Variants in ARPC5L observed in about 807,000 individuals in gnomAD.
The protein encoded by ARPC5L is actin-related protein 2/3 complex subunit 5-like protein.
ARPC5L carries 4 observed loss-of-function variants against 16.9 expected under a neutral mutation model. The observed-to-expected ratio is 0.24, with a 90% CI of 0.12 to 0.54. ARPC5L has a LOEUF of 0.54. Ranked by LOEUF, ARPC5L falls within the 20% of genes least tolerant of loss-of-function variation. ARPC5L has a pLI of 0.95. For missense variants in ARPC5L, 151 were observed against 201.9 expected (o/e 0.75, Z 1.53); for synonymous variants, 78 against 82.6 (o/e 0.94, Z 0.30).
Position 124,869,182 on chromosome 9 carries a change from G to C in ARPC5L, c.-109G>C. The C allele has an allele frequency of 1.6e-6, 2 of 1,254,266 alleles. No homozygotes were observed. 77.7% of individuals were successfully genotyped at this position (1,254,266 alleles called of 1,614,324 possible). ...GCGGAGGCGGTGGAGGAGGTGCTGGGAGCAGCCGGGCAGCCGCTTCCCGCC... is the reference window on the plus strand; with the variant it reads ...GCGGAGGCGGTGGAGGAGGTGCTGGCAGCAGCCGGGCAGCCGCTTCCCGCC... On this transcript the variant is annotated 5_prime_UTR_variant, in exon 3 of 6. Transcript: ENST00000353214.
Position 124,877,257 on chromosome 9 carries a change from A to T in ARPC5L, c.*317A>T, listed in dbSNP as rs576135544. Reference sequence around the variant, plus strand: ...GGAGGGATGGTTTGGGCAGGTGCAGATCCAAGGGCTGTGGTAAACGGGAGA... The same window carrying T: ...GGAGGGATGGTTTGGGCAGGTGCAGTTCCAAGGGCTGTGGTAAACGGGAGA... On this transcript the variant is annotated 3_prime_UTR_variant, in exon 6 of 6. Coordinates refer to ENST00000353214, the MANE Select transcript of ARPC5L (RefSeq NM_030978.3). 27 of 288,586 alleles carry T rather than the reference A, an allele frequency of 9.4e-5. No homozygotes were observed. The highest frequency in any genetic ancestry group is 5.6e-4 in the African/African-American group (25 of 44,782). 17.9% of individuals were successfully genotyped at this position (288,586 alleles called of 1,614,324 possible). A position where few individuals can be genotyped will look rare whatever the true frequency, so the allele number is the denominator to read the frequency against.
chr9:124,865,315 TAAAAAA>T (rs11414499), intron 2 of ARPC5L, among the ~76,000 whole-genome samples: 3 of 107,062 alleles, frequency 2.8e-5, no homozygotes, highest in Non-Finnish European at 5.3e-5. Flanking sequence ...AAACTCTGTC[TAAAAAA>T]AAAAAAAAAA....
intron 4 of ARPC5L, among the ~76,000 whole-genome samples, chr9:124,874,181 T>G (rs982843589): frequency 1.3e-5 from 2 of 152,154 alleles, no homozygotes; most frequent in African/African-American, 4.8e-5. Flanking sequence ...AAGTCTAAAA[T>G]TTGGTTCAGA....
In ARPC5L at chr9:124,876,923, G is replaced by A; in HGVS notation, c.445G>A (p.Ala149Thr). 2 of 1,612,930 alleles carry A rather than the reference G, an allele frequency of 1.2e-6. No individual in the cohort carries two copies. The highest frequency in any genetic ancestry group is 1.7e-4 in the Middle Eastern group (1 of 6,058). ...AGGCTCCATTATAAGAGTTCTTACA[G>A]CAAGAAAGACTGTTTAAAAAAAATA... ...GLGSIIRVLT[A>T]RKTV Residue 149 changes from alanine to threonine, a missense_variant, in exon 6 of 6, where the codon GCA becomes ACA. Ala to Thr is a moderately conservative substitution (Grantham distance 58). Coordinates refer to ENST00000353214, the MANE Select transcript of ARPC5L (RefSeq NM_030978.3).
intron 3 of ARPC5L, chr9:124,873,162 T>C (rs150918264): frequency 6.5e-6 from 1 of 153,182 alleles, no homozygotes; most frequent in African/African-American, 2.4e-5. Context: ...GTTAGATTGA[T>C]AAACTCTTTC....
chr9:124,870,103 C>T (rs1829334558), intron 3 of ARPC5L, among the ~76,000 whole-genome samples: 1 of 152,194 alleles, frequency 6.6e-6, no homozygotes. Flanking sequence ...TGGTCTCAGC[C>T]ACGCTCAACA....
chr9:124,872,607 A>G (rs113844156), intron 3 of ARPC5L: 261 of 151,432 alleles, frequency 1.7e-3, no homozygotes, highest in Non-Finnish European at 2.7e-3. Flanking sequence ...AAAAAAAAAA[A>G]GGAGTTACAA....
At chr9:124,863,086 C>A (rs1428296649) in intron 1 of ARPC5L, among the ~76,000 whole-genome samples, 1 of 152,090 alleles carries the variant, frequency 6.6e-6, no homozygotes, top group Admixed American at 6.5e-5. Flanking sequence ...TCCTCGGCCT[C>A]CCAGAGTGCC....
At chr9:124,876,826 C>T (rs1829447443) in intron 5 of ARPC5L, 52 bp from the exon 6 acceptor site, 3 of 1,512,294 alleles carry the variant, frequency 2.0e-6, no homozygotes, top group Non-Finnish European at 2.7e-6. Flanking sequence ...AGCCAGGCTC[C>T]CCTTGGCCAG....
At chr9:124,862,551 C>T (rs1829217853) in intron 1 of ARPC5L, among the ~76,000 whole-genome samples, 153 bp downstream of exon 1, 1 of 148,882 alleles carries the variant, frequency 6.7e-6, no homozygotes, top group Non-Finnish European at 1.5e-5. Context: ...ATTCTGTCGC[C>T]CAGGGTGCCA....
Position 124,877,156 on chromosome 9 carries a change from G to C in ARPC5L, c.*216G>C, listed in dbSNP as rs1321143614. 1.8e-6 allele frequency: 1 copy of C among 544,052 alleles called. No homozygotes were observed. Among genetic ancestry groups the C allele is most frequent in the Non-Finnish European group, 3.2e-6 (1 of 309,062 alleles). The allele number at this position is 544,052 out of a possible 1,614,324, so 33.7% of individuals were successfully genotyped here. On this transcript the variant is annotated 3_prime_UTR_variant, in exon 6 of 6. Transcript: ENST00000353214. Reference sequence around the variant, plus strand: ...TGATAGTCTATGCCTTTGTCTCCGAGTACTGCAGAACTGACATTTTGACGG... The same window carrying C: ...TGATAGTCTATGCCTTTGTCTCCGACTACTGCAGAACTGACATTTTGACGG...
At chr9:124,868,321 C>T (rs1265970115) in intron 2 of ARPC5L, 107 bp from the exon 3 acceptor site, 1 of 152,196 alleles carries the variant, frequency 6.6e-6, no homozygotes, top group African/African-American at 2.4e-5. Context: ...TTTACTTACC[C>T]TAAGGCTAAG....
chr9:124,872,553 C>A (rs1224434055), intron 3 of ARPC5L: 1 of 152,042 alleles, frequency 6.6e-6, no homozygotes, highest in African/African-American at 2.4e-5. Context: ...GGCAATATTG[C>A]GCCACTGCAC....
In ARPC5L at chr9:124,862,174, G is replaced by A. The variant is rs1588038490; in HGVS notation, c.-1208G>A. 2 of 435,974 alleles carry A rather than the reference G, an allele frequency of 4.6e-6. No individual in the cohort carries two copies. The highest frequency in any genetic ancestry group is 7.1e-5 in the East Asian group (2 of 28,108). 27.0% of individuals were successfully genotyped at this position (435,974 alleles called of 1,614,324 possible). A position where few individuals can be genotyped will look rare whatever the true frequency, so the allele number is the denominator to read the frequency against. On this transcript the variant is annotated 5_prime_UTR_variant, in exon 1 of 6. Coordinates refer to ENST00000353214, the MANE Select transcript of ARPC5L (RefSeq NM_030978.3). The stretch of plus-strand genomic sequence containing the variant: ...GCGAGGTCGGCGTCACGGTGTAGGC[G>A]CGCAGTTGGGGAAACCGAGGCCCAA...
intron 2 of ARPC5L, among the ~76,000 whole-genome samples, chr9:124,866,757 C>T (rs577125303): frequency 2.4e-4 from 36 of 152,246 alleles, no homozygotes; most frequent in African/African-American, 8.4e-4. Flanking sequence ...TTGTTCCCAC[C>T]ATCCTCATTG....
intron 5 of ARPC5L, among the ~76,000 whole-genome samples, chr9:124,876,251 C>T (rs866577898): frequency 4.6e-5 from 7 of 152,120 alleles, no homozygotes; most frequent in Admixed American, 6.5e-5. Flanking sequence ...TTTTGGGAGA[C>T]GGAGGCAGGC....
chr9:124,877,505 T>C lies in ARPC5L; in HGVS notation c.*565T>C, dbSNP rs1374513154. The stretch of plus-strand genomic sequence containing the variant: ...TTCAGTTGTTGTTCCGGAAACCCGA[T>C]GTGGAAGGAGTAGACCTGTGTCCCT... On this transcript the variant is annotated 3_prime_UTR_variant, in exon 6 of 6. Coordinates refer to ENST00000353214, the MANE Select transcript of ARPC5L (RefSeq NM_030978.3). 2 of 153,070 alleles carry C rather than the reference T, an allele frequency of 1.3e-5. No homozygotes were observed. Among genetic ancestry groups the C allele is most frequent in the East Asian group, 3.8e-4 (2 of 5,222 alleles). The allele number at this position is 153,070 out of a possible 1,614,324, so 9.5% of individuals were successfully genotyped here. A position where few individuals can be genotyped will look rare whatever the true frequency, so the allele number is the denominator to read the frequency against.
Position 124,877,015 on chromosome 9 carries a change from G to C in ARPC5L, c.*75G>C. 8.4e-7 allele frequency: 1 copy of C among 1,192,504 alleles called. No homozygotes were observed. Among genetic ancestry groups the C allele is most frequent in the Non-Finnish European group, 1.2e-6 (1 of 834,668 alleles). 73.9% of individuals were successfully genotyped at this position (1,192,504 alleles called of 1,614,324 possible). On this transcript the variant is annotated 3_prime_UTR_variant, in exon 6 of 6. Transcript: ENST00000353214. Reference sequence around the variant, plus strand: ...GCTGGTGAAGAAGGGATTGACAATGGACCATCTTCCTAGGAACTCCCAAGT... The same window carrying C: ...GCTGGTGAAGAAGGGATTGACAATGCACCATCTTCCTAGGAACTCCCAAGT...
intron 3 of ARPC5L, among the ~76,000 whole-genome samples, chr9:124,872,296 T>G (rs1829371408): frequency 6.6e-6 from 1 of 151,988 alleles, no homozygotes. Flanking sequence ...GACACCACAT[T>G]AGAAAAGAGT....
Sources: gnomAD v4.1 joint callset for allele counts (sites outside exome capture counted in the v4.1 genomes callset) on GRCh38, gnomAD v4.1.1 for gene constraint, MANE v1.5 for transcripts, NCBI Gene and HGNC (gene_info 2026-07-23, HGNC 2026-07-21) for gene names.